STX3: variants seen among roughly 807,000 people sequenced by gnomAD.
STX3 encodes the protein syntaxin 3.
In STX3, 19 loss-of-function variants were observed where a neutral mutation model predicts 40.2. The observed-to-expected ratio is 0.47, with a 90% confidence interval of 0.33 to 0.69. The LOEUF is 0.69. STX3 is among the 30% of genes least tolerant of loss of function. STX3 has a pLI of 0.02. For missense variants in STX3, 364 were observed against 366.7 expected (o/e 0.99, Z 0.06); for synonymous variants, 122 against 132.2 (o/e 0.92, Z 0.53).
chr11:59,776,158 G>A (rs1280867306), intron 2 of STX3, among the ~76,000 whole-genome samples: 1 of 152,178 alleles, frequency 6.6e-6, no homozygotes, highest in Non-Finnish European at 1.5e-5. Context: ...GGGGAGTGGG[G>A]AGAAGTAAGA....
intron 9 of STX3, among the ~76,000 whole-genome samples, chr11:59,796,504 G>A (rs1409850884): frequency 6.6e-6 from 1 of 152,194 alleles, no homozygotes; most frequent in East Asian, 1.9e-4. Context: ...GGACTGGGAA[G>A]TTATTTTACA....
intron 1 of STX3, among the ~76,000 whole-genome samples, chr11:59,771,334 C>T (rs961241575): frequency 1.1e-4 from 15 of 138,732 alleles, no homozygotes; most frequent in East Asian, 2.0e-4. Context: ...GCTGTAATTG[C>T]GCCATTGCAT....
intron 1 of STX3, among the ~76,000 whole-genome samples, chr11:59,766,210 T>C (rs1453086498): frequency 6.6e-6 from 1 of 152,200 alleles, no homozygotes; most frequent in African/African-American, 2.4e-5. Flanking sequence ...GATGACTTCC[T>C]TTTTCTTTGT....
intron 7 of STX3, 98 bp from the exon 8 acceptor site, chr11:59,793,282 A>G: frequency 6.2e-7 from 1 of 1,606,482 alleles, no homozygotes; most frequent in South Asian, 1.1e-5. Flanking sequence ...CAGGGAGTTC[A>G]GGGAGGCAAG....
rs1254258696 is a variant in STX3, at chr11:59,803,372, G to T, written c.*2548G>T. On this transcript the variant is annotated 3_prime_UTR_variant, in exon 11 of 11. Coordinates refer to ENST00000337979, the MANE Select transcript of STX3 (RefSeq NM_004177.5). ...ACCTTTGTGTCTTGGGGGCACTCTA[G>T]GTGCCTTAATCTGGGTGGGATTAGG... is the stretch of plus-strand genomic sequence containing the variant. 1.0e-6 allele frequency: 1 copy of T among 991,726 alleles called. No individual in the cohort carries two copies. Among genetic ancestry groups the T allele is most frequent in the Non-Finnish European group, 1.3e-6 (1 of 769,486 alleles). The allele number at this position is 991,726 out of a possible 1,614,324, so 61.4% of individuals were successfully genotyped here. A position where few individuals can be genotyped will look rare whatever the true frequency, so the allele number is the denominator to read the frequency against.
intron 1 of STX3, among the ~76,000 whole-genome samples, chr11:59,758,365 G>A (rs1029503580): frequency 6.6e-6 from 1 of 152,188 alleles, no homozygotes; most frequent in Non-Finnish European, 1.5e-5. Context: ...TTTATAAAAT[G>A]CTTAATTGTG....
At chr11:59,768,368 G>A (rs1863390580) in intron 1 of STX3, among the ~76,000 whole-genome samples, 1 of 152,196 alleles carries the variant, frequency 6.6e-6, no homozygotes, top group South Asian at 2.1e-4. Flanking sequence ...GCTTGAAGTT[G>A]AGACTGCAAC....
chr11:59,756,857 G>C (rs960966489), intron 1 of STX3, among the ~76,000 whole-genome samples: 1 of 152,256 alleles, frequency 6.6e-6, no homozygotes, highest in Non-Finnish European at 1.5e-5. Flanking sequence ...TAATAACTGT[G>C]AGTGCTCTTG....
At chr11:59,764,250 ACT>A (rs1863178682) in intron 1 of STX3, among the ~76,000 whole-genome samples, 1 of 152,056 alleles carries the variant, frequency 6.6e-6, no homozygotes, top group Non-Finnish European at 1.5e-5. Flanking sequence ...TTTGCCAGAA[ACT>A]CTTAGCAAAA....
At chr11:59,798,337 A>G (rs1398963186) in intron 10 of STX3, among the ~76,000 whole-genome samples, 1 of 151,116 alleles carries the variant, frequency 6.6e-6, no homozygotes. Context: ...CCTCCTGAGT[A>G]GCTGGGATTA....
At chr11:59,780,026 A>T (rs2134961904) in intron 2 of STX3, among the ~76,000 whole-genome samples, 1 of 152,328 alleles carries the variant, frequency 6.6e-6, no homozygotes, top group South Asian at 2.1e-4. Context: ...GGCAGGCAGG[A>T]AGCCTTGCCA....
chr11:59,773,423 CCAGA>C (rs1221796907), intron 2 of STX3, 129 bp downstream of exon 2: 6 of 751,532 alleles, frequency 8.0e-6, no homozygotes, highest in South Asian at 3.7e-5. Flanking sequence ...GGTGGGATGG[CCAGA>C]CAAAGAAATT....
In STX3 at chr11:59,773,294, G is replaced by A. The variant is rs1262969424; in HGVS notation, c.114G>A (p.Glu38=). ...CTTTTATGGACGAGTTCTTTTCTGAGGTAGGCAACCTTCCTGTATTTTTTT... is the reference window on the plus strand; with the variant it reads ...CTTTTATGGACGAGTTCTTTTCTGAAGTAGGCAACCTTCCTGTATTTTTTT... ...NTAFMDEFFS[E]IEETRLNIDK... The change falls in exon 2 of 11, where the codon GAG becomes GAA. Residue 38 remains glutamate, a splice_region_variant and synonymous_variant. Coordinates refer to ENST00000337979, the MANE Select transcript of STX3 (RefSeq NM_004177.5). 5.6e-6 allele frequency: 9 copies of A among 1,613,792 alleles called. No individual in the cohort carries two copies. Among genetic ancestry groups the A allele is most frequent in the Non-Finnish European group, 7.6e-6 (9 of 1,179,906 alleles).
At chr11:59,761,126 C>T (rs1349603884) in intron 1 of STX3, among the ~76,000 whole-genome samples, 3 of 152,188 alleles carry the variant, frequency 2.0e-5, no homozygotes, top group South Asian at 2.1e-4. Context: ...ACAGGTCCAT[C>T]CCCAAGGACG....
At chr11:59,766,481 G>A (rs976163266) in intron 1 of STX3, among the ~76,000 whole-genome samples, 18 of 152,230 alleles carry the variant, frequency 1.2e-4, no homozygotes, top group African/African-American at 4.1e-4. Context: ...GAGGGGGTGA[G>A]GCTCAGGACA....
chr11:59,786,130 CAGTT>C (rs1192312465), intron 2 of STX3, among the ~76,000 whole-genome samples: 10 of 152,160 alleles, frequency 6.6e-5, no homozygotes, highest in African/African-American at 2.2e-4. Flanking sequence ...CTGAGGAAAT[CAGTT>C]AGTACAAGAA....
At chr11:59,768,253 A>G (rs1198486474) in intron 1 of STX3, among the ~76,000 whole-genome samples, 1 of 152,170 alleles carries the variant, frequency 6.6e-6, no homozygotes, top group Non-Finnish European at 1.5e-5. Flanking sequence ...CAGTCAGTTG[A>G]TATCAACTTC....
In STX3 at chr11:59,781,658, T is replaced by C. The variant is rs2134969937; in HGVS notation, c.115-5379T>C. On this transcript the variant is annotated intron_variant, in intron 2 of 10. Coordinates refer to ENST00000337979, the MANE Select transcript of STX3 (RefSeq NM_004177.5). ...TTCCCACTCCTAGCTCCTTCATGTA[T>C]TCATCAAAGCCTTTGCTGTCCACCA... 6 of 1,610,722 alleles carry C rather than the reference T, an allele frequency of 3.7e-6. No homozygotes were observed. The South Asian group carries it at 5.5e-5, about 15-fold the overall frequency.
intron 1 of STX3, among the ~76,000 whole-genome samples, chr11:59,759,526 C>T (rs563694117): frequency 6.6e-5 from 10 of 152,170 alleles, no homozygotes; most frequent in Non-Finnish European, 1.5e-4. Context: ...CAACAGTAAT[C>T]AAAGCCATAT....
Sources: allele counts gnomAD v4.1 joint callset (sites outside exome capture counted in the v4.1 genomes callset), GRCh38; gene constraint gnomAD v4.1.1; transcripts MANE v1.5; gene names NCBI Gene and HGNC (gene_info 2026-07-23, HGNC 2026-07-21).